Variants in ALKBH8 observed in about 807,000 individuals in gnomAD.
ALKBH8 encodes alkB homolog 8, tRNA methyltransferase, also known as tRNA (carboxymethyluridine(34)-5-O)-methyltransferase ALKBH8.
A neutral mutation model predicts 59.8 loss-of-function variants in ALKBH8; 36 were observed. The ratio of observed to expected loss-of-function variants is 0.60; its 90% confidence interval spans 0.46 to 0.79. The LOEUF is 0.79. ALKBH8 is among the 30% of genes least tolerant of loss of function. The pLI is 0.00. For missense variants in ALKBH8, 768 were observed against 801.0 expected (o/e 0.96, Z 0.50); for synonymous variants, 276 against 273.6 (o/e 1.01, Z -0.09).
At chr11:107,551,427 C>T (rs1864485224) in intron 6 of ALKBH8, among the ~76,000 whole-genome samples, 1 of 152,132 alleles carries the variant, frequency 6.6e-6, no homozygotes, top group South Asian at 2.1e-4. Context: ...GGCGCGGTGG[C>T]TCATGCCTGT....
In ALKBH8 at chr11:107,528,015, A is replaced by T. The variant is rs79285468; in HGVS notation, c.879-2423T>A. The stretch of plus-strand genomic sequence containing the variant: ...TTCTTGTCCTAGTTTGCCGGGCTTT[A>T]TCATGAATGGGTACTAAATTTTGTC... On this transcript the variant is annotated intron_variant, in intron 8 of 11. Coordinates refer to ENST00000428149, the MANE Select transcript of ALKBH8 (RefSeq NM_138775.3). 7.3e-3 allele frequency among the ~76,000 whole-genome samples: 1,106 copies of T among 152,178 alleles called. 8 individuals carry two copies. Among genetic ancestry groups the T allele is most frequent in the African/African-American group, 0.024 (1,016 of 41,560 alleles).
intron 8 of ALKBH8, among the ~76,000 whole-genome samples, chr11:107,529,712 C>T (rs1863503137): frequency 6.6e-6 from 1 of 150,466 alleles, no homozygotes; most frequent in Admixed American, 6.6e-5. Context: ...ACCATATTGG[C>T]CAGTCTGGTC....
chr11:107,547,198 G>T (rs1391061318), intron 7 of ALKBH8, among the ~76,000 whole-genome samples: 2 of 152,230 alleles, frequency 1.3e-5, no homozygotes, highest in African/African-American at 2.4e-5. Flanking sequence ...AACGACTGAG[G>T]ATGTCAAAGA....
chr11:107,527,546 T>C (rs1863405198), intron 8 of ALKBH8, among the ~76,000 whole-genome samples: 1 of 152,146 alleles, frequency 6.6e-6, no homozygotes, highest in African/African-American at 2.4e-5. Context: ...CTCAGGCTAA[T>C]TGCTTTTTAA....
intron 10 of ALKBH8, among the ~76,000 whole-genome samples, chr11:107,511,504 T>C (rs641502): frequency 0.45 from 69,011 of 151,946 alleles, 17,045 homozygotes; most frequent in Non-Finnish European, 0.56. Flanking sequence ...AGGCAATTTT[T>C]TTTCTGCTTC....
intron 8 of ALKBH8, among the ~76,000 whole-genome samples, chr11:107,527,162 T>C (rs989220825): frequency 6.6e-6 from 1 of 151,958 alleles, no homozygotes; most frequent in Non-Finnish European, 1.5e-5. Flanking sequence ...ATTAACCACA[T>C]TAAGTTTCCT....
intron 10 of ALKBH8, among the ~76,000 whole-genome samples, chr11:107,512,303 GT>G (rs1555039418): frequency 1.2e-4 from 1 of 8,016 alleles, no homozygotes; most frequent in Non-Finnish European, 3.1e-4. Flanking sequence ...TATTTTAAGG[GT>G]TTTTTTTTGT....
intron 4 of ALKBH8, among the ~76,000 whole-genome samples, chr11:107,553,522 A>G (rs754692452): frequency 6.6e-6 from 1 of 152,122 alleles, no homozygotes. Flanking sequence ...CTCTCACTAT[A>G]TTATAATATT....
chr11:107,506,534 G>A (rs531953236), intron 11 of ALKBH8, among the ~76,000 whole-genome samples: 140 of 151,938 alleles, frequency 9.2e-4, no homozygotes, highest in Middle Eastern at 3.4e-3. Flanking sequence ...TTAAGAAGTC[G>A]GAAATTCTAG....
chr11:107,506,826 C>G (rs2135463336), intron 11 of ALKBH8, among the ~76,000 whole-genome samples: 1 of 152,174 alleles, frequency 6.6e-6, no homozygotes, highest in East Asian at 1.9e-4. Context: ...CTTACTTCCT[C>G]TGAAACTCTG....
At chr11:107,535,099 G>C (rs1002919051) in intron 7 of ALKBH8, among the ~76,000 whole-genome samples, 2 of 152,126 alleles carry the variant, frequency 1.3e-5, no homozygotes, top group Admixed American at 6.5e-5. Flanking sequence ...TCCTTTTTAT[G>C]GCTGAGTAGT....
intron 7 of ALKBH8, among the ~76,000 whole-genome samples, chr11:107,547,800 C>T (rs1229039777): frequency 6.6e-6 from 1 of 152,156 alleles, no homozygotes; most frequent in African/African-American, 2.4e-5. Context: ...CCAGCCATTA[C>T]AAAGATGGCT....
chr11:107,549,861 T>C (rs1167308237), intron 6 of ALKBH8, 38 bp from the exon 7 acceptor site: 2 of 1,427,946 alleles, frequency 1.4e-6, no homozygotes, highest in Admixed American at 4.0e-5. Flanking sequence ...ACTTCATTTT[T>C]TCCTTTAGTA....
intron 9 of ALKBH8, 136 bp downstream of exon 9, chr11:107,525,305 G>T: frequency 1.4e-6 from 1 of 701,208 alleles, no homozygotes; most frequent in Non-Finnish European, 2.1e-6. Context: ...GTGCATGAAA[G>T]TGCAATACAA....
intron 10 of ALKBH8, among the ~76,000 whole-genome samples, chr11:107,518,665 C>T (rs1459203547): frequency 6.6e-6 from 1 of 152,230 alleles, no homozygotes. Context: ...ACTACCAGAC[C>T]CACCCCTTTA....
Position 107,551,705 on chromosome 11 carries a change from AAATAAT to A in ALKBH8, c.700+97_700+102del, listed in dbSNP as rs1031768573. 814 of 305,416 alleles carry A rather than the reference AAATAAT, an allele frequency of 2.7e-3. 28 individuals are homozygous for A. Among genetic ancestry groups the A allele is most frequent in the South Asian group, 0.012 (154 of 12,614 alleles). The allele number at this position is 305,416 out of a possible 1,614,324, so 18.9% of individuals were successfully genotyped here. On this transcript the variant is annotated intron_variant, in intron 6 of 11. Coordinates refer to ENST00000428149, the MANE Select transcript of ALKBH8 (RefSeq NM_138775.3). ...GCGAAACTCCATCTCAAAAAAAAAA[AAATAAT>A]AATAATAATAATAATAATATATCTG...
rs73553642 is a variant in ALKBH8, at chr11:107,533,447, A to C, written c.772-1041T>G. 5.2e-3 allele frequency among the ~76,000 whole-genome samples: 786 copies of C among 152,290 alleles called. 4 individuals are homozygous for C. Among genetic ancestry groups the C allele is most frequent in the African/African-American group, 0.018 (744 of 41,572 alleles). The stretch of plus-strand genomic sequence containing the variant: ...GATAATACACATGAAAATTCTCTGT[A>C]AACTATAAAAAAGTATACAGAGCTA... On this transcript the variant is annotated intron_variant, in intron 7 of 11. Transcript: ENST00000428149.
chr11:107,558,036 G>C (rs1292530747), intron 2 of ALKBH8, among the ~76,000 whole-genome samples: 1 of 152,152 alleles, frequency 6.6e-6, no homozygotes, highest in Non-Finnish European at 1.5e-5. Flanking sequence ...GGCCATAAAA[G>C]TTTCTGTCAG....
intron 10 of ALKBH8, among the ~76,000 whole-genome samples, chr11:107,512,303 G>A (rs1316613301): frequency 3.7e-4 from 3 of 8,016 alleles, no homozygotes; most frequent in African/African-American, 2.8e-3. Flanking sequence ...TATTTTAAGG[G>A]TTTTTTTTTG....
Sources: allele counts gnomAD v4.1 joint callset (sites outside exome capture counted in the v4.1 genomes callset), GRCh38; gene constraint gnomAD v4.1.1; transcripts MANE v1.5; gene names NCBI Gene and HGNC (gene_info 2026-07-23, HGNC 2026-07-21).